The following PDE1C variants were observed in gnomAD, a reference collection of about 807,000 sequenced individuals.
The protein encoded by PDE1C is phosphodiesterase 1C.
In PDE1C, 62 loss-of-function variants were observed where a neutral mutation model predicts 93.1. The observed-to-expected ratio is 0.67, with a 90% CI of 0.54 to 0.82. The LOEUF is 0.82. PDE1C is among the 40% of genes least tolerant of loss of function. PDE1C has a pLI of 0.00. For missense variants in PDE1C, 742 were observed against 884.6 expected, an observed-to-expected ratio of 0.84 and a Z score of 2.04; for synonymous variants, 325 against 310.1, an observed-to-expected ratio of 1.05 and a Z score of -0.50.
At chr7:32,398,589 A>G (rs1784883820) in intron 1 of PDE1C, among the ~76,000 whole-genome samples, 1 of 151,894 alleles carries the variant, frequency 6.6e-6, no homozygotes. Flanking sequence ...GGGTTTCACC[A>G]TATTGGCCAG....
the PDE1C span, chr7:31,643,629 A>C: frequency 6.2e-7 from 1 of 1,614,052 alleles, no homozygotes; most frequent in Non-Finnish European, 8.5e-7. Context: ...TGGGGACAAA[A>C]GCAAGACAGT....
intron 1 of PDE1C, among the ~76,000 whole-genome samples, chr7:32,415,478 T>C (rs1785256022): frequency 1.3e-5 from 2 of 152,124 alleles, no homozygotes; most frequent in African/African-American, 4.8e-5. Flanking sequence ...TAATGTTTTT[T>C]AAATTTAAGA....
intron 1 of PDE1C, among the ~76,000 whole-genome samples, chr7:32,228,258 G>A (rs1170180062): frequency 2.0e-5 from 3 of 152,170 alleles, no homozygotes; most frequent in Non-Finnish European, 4.4e-5. Flanking sequence ...TTCTTACAGA[G>A]GTAATGAAAC....
At chr7:31,619,889 G>A in the PDE1C span, among the ~76,000 whole-genome samples, 6 of 152,130 alleles carry the variant, frequency 3.9e-5, no homozygotes, top group Admixed American at 1.3e-4. Flanking sequence ...CTGGAAAATC[G>A]GGTCACTCCC....
the PDE1C span, among the ~76,000 whole-genome samples, chr7:31,693,282 C>CCATGACAGGTTTGTACCT: frequency 2.0e-5 from 3 of 152,148 alleles, no homozygotes; most frequent in Admixed American, 6.5e-5. Flanking sequence ...GAATTGTAGC[C>CCATGACAGGTTTGTACCT]CATGACAGGT....
chr7:31,652,136 T>C, the PDE1C span: 1 of 1,025,500 alleles, frequency 9.8e-7, no homozygotes, highest in Admixed American at 2.2e-5. Flanking sequence ...TGTGCAATCA[T>C]TTCAGAATCT....
chr7:32,304,423 G>T (rs1349129106), intron 1 of PDE1C, among the ~76,000 whole-genome samples: 1 of 152,218 alleles, frequency 6.6e-6, no homozygotes, highest in South Asian at 2.1e-4. Flanking sequence ...GCCAGGAGAT[G>T]ATGGGATTGG....
At chr7:32,177,346 C>T (rs1446933965) in intron 2 of PDE1C, among the ~76,000 whole-genome samples, 1 of 152,134 alleles carries the variant, frequency 6.6e-6, no homozygotes, top group Admixed American at 6.5e-5. Flanking sequence ...GTCGTCATCC[C>T]GTGGGTGTAT....
chr7:31,878,396 C>A (rs970664651), intron 4 of PDE1C, among the ~76,000 whole-genome samples: 2 of 151,978 alleles, frequency 1.3e-5, no homozygotes, highest in East Asian at 1.9e-4. Flanking sequence ...TATGGGTAAC[C>A]CATTTAGAAT....
chr7:31,861,541 C>T (rs1030287460), intron 7 of PDE1C, among the ~76,000 whole-genome samples: 2 of 151,938 alleles, frequency 1.3e-5, no homozygotes, highest in African/African-American at 4.8e-5. Flanking sequence ...ATTCTTGATC[C>T]CCTTTCCTCC....
chr7:32,295,363 A>G (rs1812562844), intron 1 of PDE1C, among the ~76,000 whole-genome samples: 1 of 152,198 alleles, frequency 6.6e-6, no homozygotes, highest in African/African-American at 2.4e-5. Flanking sequence ...GTTTGAATCC[A>G]ACTCTGCCAC....
At chr7:31,648,314 C>T in the PDE1C span, among the ~76,000 whole-genome samples, 1 of 151,522 alleles carries the variant, frequency 6.6e-6, no homozygotes, top group Non-Finnish European at 1.5e-5. Flanking sequence ...TATAATCAAG[C>T]CTTTATATTG....
intron 2 of PDE1C, among the ~76,000 whole-genome samples, chr7:31,979,353 C>T (rs971000868): frequency 2.6e-5 from 4 of 152,066 alleles, no homozygotes; most frequent in African/African-American, 4.8e-5. Flanking sequence ...AAAAATCACC[C>T]GTAACTCATT....
intron 1 of PDE1C, among the ~76,000 whole-genome samples, chr7:32,292,213 G>A (rs958147030): frequency 2.0e-5 from 3 of 152,030 alleles, no homozygotes; most frequent in African/African-American, 4.8e-5. Context: ...ATATATTTTA[G>A]GACTACATTG....
chr7:32,307,079 A>G (rs1044151862), intron 1 of PDE1C, among the ~76,000 whole-genome samples: 1 of 152,220 alleles, frequency 6.6e-6, no homozygotes. Context: ...GGATCAAGAA[A>G]AACAGCACTT....
At chr7:31,991,857 C>T (rs1336355578) in intron 2 of PDE1C, among the ~76,000 whole-genome samples, 1 of 152,186 alleles carries the variant, frequency 6.6e-6, no homozygotes, top group African/African-American at 2.4e-5. Flanking sequence ...CAACCTGCTT[C>T]CTTTTCCCTG....
At chr7:32,329,834 G>T (rs1242890760) in intron 1 of PDE1C, among the ~76,000 whole-genome samples, 1 of 152,156 alleles carries the variant, frequency 6.6e-6, no homozygotes, top group Non-Finnish European at 1.5e-5. Context: ...ATTCAAGCTT[G>T]CATTGTCCTT....
At chr7:32,342,874 T>A (rs1480038498) in intron 1 of PDE1C, among the ~76,000 whole-genome samples, 4 of 152,204 alleles carry the variant, frequency 2.6e-5, no homozygotes, top group Non-Finnish European at 4.4e-5. Flanking sequence ...CACCCACATT[T>A]TTGTACTTAT....
chr7:32,244,443 A>G lies in PDE1C; in HGVS notation c.86-34904T>C, dbSNP rs1585019698. On this transcript the variant is annotated intron_variant, in intron 1 of 18. Coordinates refer to the PDE1C transcript ENST00000396193. The stretch of plus-strand genomic sequence containing the variant: ...CCCTGACCTAGCCAGTCCTGCACTG[A>G]AGCAGCATTTTAAGAAGAGGCGTCT... Among the ~76,000 whole-genome samples the G allele has an allele frequency of 1.3e-5, 2 of 152,346 alleles. 1 individual carries two copies. The highest frequency in any genetic ancestry group is 6.8e-3 in the Middle Eastern group (2 of 294).
Sources: allele counts gnomAD v4.1 joint callset (sites outside exome capture counted in the v4.1 genomes callset), GRCh38; gene constraint gnomAD v4.1.1; transcripts MANE v1.5; gene names NCBI Gene and HGNC (gene_info 2026-07-23, HGNC 2026-07-21).